The following ATXN7L1 variants were observed in gnomAD, a reference collection of about 807,000 sequenced individuals.
The protein encoded by ATXN7L1 is ataxin-7-like protein 1.
In ATXN7L1, 15 loss-of-function variants were observed where a neutral mutation model predicts 70.8. The ratio of observed to expected loss-of-function variants is 0.21; its 90% CI spans 0.14 to 0.33. The LOEUF (loss-of-function observed/expected upper bound fraction) is 0.33. Ranked by LOEUF, ATXN7L1 falls within the 10% of genes least tolerant of loss-of-function variation. The pLI is 1.00. For missense variants in ATXN7L1, 975 were observed against 1,097.1 expected (o/e 0.89, Z 1.57); for synonymous variants, 440 against 445.1 (o/e 0.99, Z 0.14).
At chr7:105,791,111 A>T (rs1321464513) in intron 2 of ATXN7L1, among the ~76,000 whole-genome samples, 1 of 152,236 alleles carries the variant, frequency 6.6e-6, no homozygotes, top group Non-Finnish European at 1.5e-5. Flanking sequence ...GCAAGGGGTG[A>T]GGCCCCCACT....
intron 4 of ATXN7L1, among the ~76,000 whole-genome samples, chr7:105,663,697 T>A (rs908081157): frequency 6.6e-6 from 1 of 152,304 alleles, no homozygotes; most frequent in Admixed American, 6.5e-5. Context: ...AGCTGTCTTT[T>A]CCACAGGCAA....
At chr7:105,749,645 G>A (rs1397252632) in intron 3 of ATXN7L1, among the ~76,000 whole-genome samples, 1 of 151,332 alleles carries the variant, frequency 6.6e-6, no homozygotes, top group African/African-American at 2.4e-5. Context: ...AAGAGTGAGA[G>A]GTTGTATCCC....
At chr7:105,702,472 G>A (rs1792569445) in intron 3 of ATXN7L1, among the ~76,000 whole-genome samples, 1 of 152,014 alleles carries the variant, frequency 6.6e-6, no homozygotes, top group Non-Finnish European at 1.5e-5. Context: ...TATAAATTGT[G>A]ACTCTCCCAG....
intron 3 of ATXN7L1, among the ~76,000 whole-genome samples, chr7:105,718,431 G>A (rs1794814371): frequency 6.6e-6 from 1 of 152,176 alleles, no homozygotes; most frequent in African/African-American, 2.4e-5. Context: ...CTTCAGGATG[G>A]GCAGGATTAA....
chr7:105,714,613 T>A (rs920289860), intron 3 of ATXN7L1, among the ~76,000 whole-genome samples: 5 of 152,192 alleles, frequency 3.3e-5, no homozygotes, highest in South Asian at 2.1e-4. Context: ...AGAGCTCTCA[T>A]ATACCTCTGG....
intron 3 of ATXN7L1, among the ~76,000 whole-genome samples, chr7:105,722,746 G>C (rs1046394031): frequency 6.6e-6 from 1 of 151,698 alleles, no homozygotes; most frequent in African/African-American, 2.4e-5. Flanking sequence ...TTAGCTGGGC[G>C]TGGTGGCATG....
At chr7:105,612,493 C>G (rs549417101) in intron 10 of ATXN7L1, among the ~76,000 whole-genome samples, 1 of 151,546 alleles carries the variant, frequency 6.6e-6, no homozygotes, top group African/African-American at 2.4e-5. Flanking sequence ...ACAAGCCCCC[C>G]GGGGGATTCG....
At chr7:105,827,390 C>T (rs1164383181) in intron 2 of ATXN7L1, among the ~76,000 whole-genome samples, 1 of 152,178 alleles carries the variant, frequency 6.6e-6, no homozygotes, top group Non-Finnish European at 1.5e-5. Flanking sequence ...TCTTTTATGT[C>T]TTTAGGAGAA....
At chr7:105,769,728 T>C (rs1372673246) in intron 3 of ATXN7L1, among the ~76,000 whole-genome samples, 1 of 152,184 alleles carries the variant, frequency 6.6e-6, no homozygotes, top group Non-Finnish European at 1.5e-5. Flanking sequence ...GTAGAAGGCA[T>C]AAGTGTCTCT....
At chr7:105,736,520 G>A (rs1282315886) in intron 3 of ATXN7L1, among the ~76,000 whole-genome samples, 1 of 152,168 alleles carries the variant, frequency 6.6e-6, no homozygotes, top group East Asian at 1.9e-4. Flanking sequence ...TGTGGAACAC[G>A]TTTAAGGCTC....
intron 2 of ATXN7L1, among the ~76,000 whole-genome samples, chr7:105,850,328 G>C (rs533641879): frequency 1.3e-5 from 2 of 152,246 alleles, no homozygotes; most frequent in East Asian, 3.9e-4. Context: ...CCAGCACACT[G>C]TTCCCACAGG....
chr7:105,757,437 C>G (rs71540974), intron 3 of ATXN7L1, among the ~76,000 whole-genome samples: 2 of 151,530 alleles, frequency 1.3e-5, no homozygotes, highest in Admixed American at 6.6e-5. Flanking sequence ...TTACAATGCT[C>G]TGGGGTATAT....
intron 3 of ATXN7L1, among the ~76,000 whole-genome samples, chr7:105,697,954 C>G (rs904007237): frequency 2.6e-5 from 4 of 152,172 alleles, no homozygotes; most frequent in African/African-American, 9.7e-5. Flanking sequence ...GAAGAGGAAG[C>G]TGGGCAGGGA....
intron 3 of ATXN7L1, among the ~76,000 whole-genome samples, chr7:105,679,489 G>A (rs1388348402): frequency 3.3e-5 from 5 of 152,192 alleles, no homozygotes. Flanking sequence ...GATAGGCAGA[G>A]TCCACTTCAT....
intron 3 of ATXN7L1, among the ~76,000 whole-genome samples, chr7:105,673,314 T>C (rs1804066130): frequency 6.6e-6 from 1 of 152,226 alleles, no homozygotes; most frequent in Non-Finnish European, 1.5e-5. Context: ...CTGCAAATAC[T>C]CAAGGTGGCT....
At chr7:105,671,174 T>C (rs1362318417) in intron 3 of ATXN7L1, among the ~76,000 whole-genome samples, 1 of 144,876 alleles carries the variant, frequency 6.9e-6, no homozygotes, top group Non-Finnish European at 1.5e-5. Flanking sequence ...TCTCAGCTAC[T>C]CAGGAGGCTG....
rs1792700132 is a variant in ATXN7L1 at position 105,605,056 on chromosome 7, T to TTTTTTG, written c.*2795_*2796insCAAAAA. The TTTTTTG allele has an allele frequency of 6.9e-6, 1 of 145,306 alleles. No homozygotes were observed. 9.0% of individuals were successfully genotyped at this position (145,306 alleles called of 1,614,324 possible). A position where few individuals can be genotyped will look rare whatever the true frequency, so the allele number is the denominator to read the frequency against. The stretch of plus-strand genomic sequence containing the variant: ...TATCCAAGTCGCTTTTTTTTTTTTT[T>TTTTTTG]TTTTTTTTTTATGGCTGACAGGTCT... On this transcript the variant is annotated 3_prime_UTR_variant, in exon 12 of 12. Transcript: ENST00000419735.
chr7:105,870,007 T>G (rs995535202), intron 2 of ATXN7L1, among the ~76,000 whole-genome samples: 3 of 152,214 alleles, frequency 2.0e-5, no homozygotes, highest in Admixed American at 2.0e-4. Flanking sequence ...TCTGGCCGGG[T>G]GCGGTGGCTC....
chr7:105,694,882 G>A (rs916011291), intron 3 of ATXN7L1, among the ~76,000 whole-genome samples: 1 of 152,222 alleles, frequency 6.6e-6, no homozygotes, highest in African/African-American at 2.4e-5. Context: ...GCCAGGCACG[G>A]TGGCTCACAC....
Sources: allele counts gnomAD v4.1 joint callset (sites outside exome capture counted in the v4.1 genomes callset), GRCh38; gene constraint gnomAD v4.1.1; transcripts MANE v1.5; gene names NCBI Gene and HGNC (gene_info 2026-07-23, HGNC 2026-07-21).